The following TNPO3 variants were observed in gnomAD, a reference collection of about 807,000 sequenced individuals.
TNPO3 encodes transportin-3.
A neutral mutation model predicts 122.8 loss-of-function variants in TNPO3; 65 were observed. That is an observed-to-expected ratio of 0.53 (90% CI 0.43 to 0.65). The LOEUF (loss-of-function observed/expected upper bound fraction) is 0.65. TNPO3 is among the 30% of genes least tolerant of loss of function. TNPO3 has a pLI of 0.00. For synonymous variants in TNPO3, 372 were observed against 411.2 expected (o/e 0.90, Z 1.15); for missense variants, 850 against 1,136.7 (o/e 0.75, Z 3.63).
intron 1 of TNPO3, among the ~76,000 whole-genome samples, chr7:129,033,095 A>G (rs183252622): frequency 3.9e-5 from 6 of 152,322 alleles, no homozygotes; most frequent in African/African-American, 1.2e-4. Context: ...CAATGGTGCT[A>G]GGAAAACTGA....
intron 1 of TNPO3, among the ~76,000 whole-genome samples, chr7:129,022,829 G>A (rs777668177): frequency 1.3e-5 from 2 of 152,140 alleles, no homozygotes; most frequent in Non-Finnish European, 2.9e-5. Flanking sequence ...CAAAAATGTA[G>A]ATATTATTCC....
intron 4 of TNPO3, among the ~76,000 whole-genome samples, chr7:129,009,301 A>G (rs1027972750): frequency 6.6e-6 from 1 of 152,250 alleles, no homozygotes; most frequent in African/African-American, 2.4e-5. Context: ...ACAGACCACA[A>G]AAGTATAATA....
intron 14 of TNPO3, 91 bp from the exon 15 acceptor site, chr7:128,980,122 T>C (rs940046827): frequency 6.4e-6 from 7 of 1,094,820 alleles, no homozygotes; most frequent in African/African-American, 4.7e-5. Flanking sequence ...CTTAGTATCA[T>C]TTTCACCAAA....
intron 16 of TNPO3, 97 bp downstream of exon 16, chr7:128,978,885 GC>G: frequency 7.0e-7 from 1 of 1,425,610 alleles, no homozygotes; most frequent in Non-Finnish European, 9.6e-7. Context: ...ACCTGCATAG[GC>G]CTCCCAAAGT....
At chr7:128,957,098 G>C (rs777702255) in intron 22 of TNPO3, 126 bp downstream of exon 22, 9 of 807,250 alleles carry the variant, frequency 1.1e-5, no homozygotes, top group African/African-American at 3.4e-5. Context: ...CAGTTAAACT[G>C]CTGAGTCCTT....
intron 18 of TNPO3, among the ~76,000 whole-genome samples, chr7:128,974,131 G>C (rs925742259): frequency 1.3e-5 from 2 of 151,856 alleles, no homozygotes; most frequent in Non-Finnish European, 2.9e-5. Context: ...CCGAGATCAT[G>C]CCATTGCACT....
At chr7:129,056,161 A>AT (rs367584126), upstream of TNPO3, 35 of 929,492 alleles carry the variant, frequency 3.8e-5, no homozygotes, top group African/African-American at 4.0e-4. Flanking sequence ...GCCACTGCGT[A>AT]TAACGAGTTG....
intron 5 of TNPO3, among the ~76,000 whole-genome samples, chr7:129,002,218 G>A (rs1394883542): frequency 6.6e-6 from 1 of 152,206 alleles, no homozygotes; most frequent in Non-Finnish European, 1.5e-5. Flanking sequence ...TCTCAGGCAT[G>A]CAAAAATTCC....
chr7:129,034,121 A>G (rs1264620159), intron 1 of TNPO3, among the ~76,000 whole-genome samples: 1 of 152,238 alleles, frequency 6.6e-6, no homozygotes, highest in African/African-American at 2.4e-5. Context: ...TACAACATGG[A>G]TGAACCTCAA....
intron 1 of TNPO3, chr7:129,029,189 C>A: frequency 5.9e-6 from 1 of 169,954 alleles, no homozygotes. Flanking sequence ...ACAATTGGTG[C>A]AGATTCTGGG....
At chr7:128,996,354 A>C (rs898742835) in intron 8 of TNPO3, among the ~76,000 whole-genome samples, 39 of 152,288 alleles carry the variant, frequency 2.6e-4, no homozygotes, top group African/African-American at 9.4e-4. Flanking sequence ...ATAAGATTTA[A>C]AAAATGTGTA....
chr7:129,053,716 T>G (rs1809097082), intron 1 of TNPO3, among the ~76,000 whole-genome samples: 1 of 152,152 alleles, frequency 6.6e-6, no homozygotes, highest in Non-Finnish European at 1.5e-5. Context: ...AAGGTGAGTA[T>G]TTTGTCAGCC....
At chr7:129,002,923 C>T (rs1166561533) in intron 5 of TNPO3, among the ~76,000 whole-genome samples, 1 of 151,334 alleles carries the variant, frequency 6.6e-6, no homozygotes, top group Non-Finnish European at 1.5e-5. Flanking sequence ...TCCTGTAGTC[C>T]CAGCTACTGA....
Position 128,986,857 on chromosome 7 carries a change from T to A in TNPO3, c.1562A>T (p.Lys521Ile), listed in dbSNP as rs755030982. ...GACAGAGCAAATGTTATGAATGGCT[T>A]TGGCTGCAGCAGAAGCCAGGGGCTT... ...CEKPLASAAA[K>I]AIHNICSVCR... Residue 521 changes from lysine (K) to isoleucine (I), a missense_variant, in exon 12 of 23, where the codon AAA becomes ATA. Transcript: ENST00000265388. 6.2e-7 allele frequency: 1 copy of A among 1,613,812 alleles called. No homozygotes were observed. Among genetic ancestry groups the A allele is most frequent in the Non-Finnish European group, 8.5e-7 (1 of 1,179,976 alleles).
chr7:128,984,284 T>C (rs1799925415), intron 12 of TNPO3, 25 bp from the exon 13 acceptor site: 1 of 1,568,380 alleles, frequency 6.4e-7, no homozygotes, highest in East Asian at 2.2e-5. Flanking sequence ...AAGATACAAA[T>C]GAAAAATAAA....
At chr7:128,984,508 A>G (rs1048548123) in intron 12 of TNPO3, among the ~76,000 whole-genome samples, 3 of 152,256 alleles carry the variant, frequency 2.0e-5, no homozygotes, top group Admixed American at 6.5e-5. Flanking sequence ...AAAGACTTTT[A>G]AAATCTCCTT....
chr7:128,958,042 C>CAGCTTCATTCTACTGTATCT (rs1283803060), intron 21 of TNPO3, among the ~76,000 whole-genome samples: 1 of 151,930 alleles, frequency 6.6e-6, no homozygotes, highest in East Asian at 1.9e-4. Flanking sequence ...CAGCTGATGC[C>CAGCTTCATTCTACTGTATCT]AGCTTCATTC....
intron 21 of TNPO3, among the ~76,000 whole-genome samples, chr7:128,959,999 C>T (rs1013009620): frequency 4.1e-4 from 62 of 151,974 alleles, no homozygotes; most frequent in African/African-American, 1.1e-3. Context: ...TCAGCCTGGG[C>T]GACAGAGCAA....
In TNPO3 at chr7:128,996,587, C is replaced by T. The variant is rs563454380; in HGVS notation, c.1158+802G>A. 2.6e-5 allele frequency among the ~76,000 whole-genome samples: 4 copies of T among 151,852 alleles called. No individual in the cohort carries two copies. In the South Asian group the frequency reaches 6.3e-4, roughly 24 times the overall value. On this transcript the variant is annotated intron_variant, in intron 8 of 22. Coordinates refer to ENST00000265388, the MANE Select transcript of TNPO3 (RefSeq NM_012470.4). The stretch of plus-strand genomic sequence containing the variant: ...TGAAACCCCATCTCTACTAAATATA[C>T]AAATAATTAGCCTGGCATGGTGGCG...
Sources: gnomAD v4.1 joint callset for allele counts (sites outside exome capture counted in the v4.1 genomes callset) on GRCh38, gnomAD v4.1.1 for gene constraint, MANE v1.5 for transcripts, NCBI Gene and HGNC (gene_info 2026-07-23, HGNC 2026-07-21) for gene names.